The following RARB variants were observed in gnomAD, a reference collection of about 807,000 sequenced individuals.
RARB encodes the protein HBV-activated protein.
Under a neutral mutation model 51.9 loss-of-function variants are expected in RARB, and 17 were observed. That is an observed-to-expected ratio of 0.33 (90% CI 0.22 to 0.49). RARB has a LOEUF of 0.49. Ranked by LOEUF, RARB falls within the 20% of genes least tolerant of loss-of-function variation. The probability of loss-of-function intolerance (pLI) is 0.99; values close to 1 mark genes in which losing one functional copy is unlikely to be tolerated. For missense variants in RARB, 369 were observed against 550.8 expected (o/e 0.67, Z 3.30); for synonymous variants, 215 against 195.4 (o/e 1.10, Z -0.84).
In RARB at chr3:24,984,723, T is replaced by G. The variant is rs116346300; in HGVS notation, c.-379-75402T>G. 1.0e-3 allele frequency among the ~76,000 whole-genome samples: 158 copies of G among 151,544 alleles called. 2 individuals are homozygous for G. The highest frequency in any genetic ancestry group is 2.0e-3 in the Non-Finnish European group (139 of 67,954). On this transcript the variant is annotated intron_variant, in intron 2 of 11. Transcript: ENST00000383772. ...TAATACTGTATATTATACTAGAAAT[T>G]TACTAAAAGTATTTTAGATGTTATA...
chr3:25,069,573 C>T (rs1698728625), intron 3 of RARB, among the ~76,000 whole-genome samples: 1 of 152,154 alleles, frequency 6.6e-6, no homozygotes, highest in African/African-American at 2.4e-5. Flanking sequence ...CTCAAAAATT[C>T]CTCATCTCAC....
intron 5 of RARB, among the ~76,000 whole-genome samples, chr3:25,286,775 G>A (rs138129991): frequency 1.3e-5 from 2 of 152,258 alleles, no homozygotes; most frequent in African/African-American, 2.4e-5. Flanking sequence ...ACAACCTTGC[G>A]AGGTTGGTAT....
intron 3 of RARB, among the ~76,000 whole-genome samples, chr3:25,109,503 A>G (rs1385334976): frequency 6.6e-6 from 1 of 152,196 alleles, no homozygotes; most frequent in Non-Finnish European, 1.5e-5. Flanking sequence ...GTTTTTTTAA[A>G]CAGTCTCCTG....
intron 2 of RARB, among the ~76,000 whole-genome samples, chr3:25,058,221 T>C (rs1443600759): frequency 6.6e-6 from 1 of 151,916 alleles, no homozygotes; most frequent in Non-Finnish European, 1.5e-5. Context: ...GTAAAGAAGG[T>C]TAACTTTCCC....
At chr3:25,197,161 G>A (rs1268409281) in intron 5 of RARB, among the ~76,000 whole-genome samples, 1 of 152,088 alleles carries the variant, frequency 6.6e-6, no homozygotes, top group East Asian at 1.9e-4. Flanking sequence ...GTCCTGAATG[G>A]TATTGCCTAG....
chr3:25,183,824 C>A (rs1202858416), intron 5 of RARB, among the ~76,000 whole-genome samples: 1 of 152,126 alleles, frequency 6.6e-6, no homozygotes, highest in Admixed American at 6.5e-5. Flanking sequence ...CCTGCAATAA[C>A]ACTTATTGTC....
intron 2 of RARB, among the ~76,000 whole-genome samples, chr3:24,965,301 G>A (rs1696232129): frequency 6.6e-6 from 1 of 152,070 alleles, no homozygotes; most frequent in Non-Finnish European, 1.5e-5. Flanking sequence ...GGAATAGAGT[G>A]GTCATGCCAC....
In RARB at chr3:25,259,848, T is replaced by G. The variant is rs992645644; in HGVS notation, c.178+85273T>G. 1.6e-5 allele frequency: 15 copies of G among 939,876 alleles called. No homozygotes were observed. In the African/African-American group the frequency reaches 2.7e-4, roughly 17 times the overall value. 58.2% of individuals were successfully genotyped at this position (939,876 alleles called of 1,614,324 possible). On this transcript the variant is annotated intron_variant, in intron 5 of 11. Transcript: ENST00000383772. ...AGTCAGAGCTCTTGGTATCTGTCATTGCTTCCCAAATAAGTCAAGAGATTT... is the reference window on the plus strand; with the variant it reads ...AGTCAGAGCTCTTGGTATCTGTCATGGCTTCCCAAATAAGTCAAGAGATTT...
chr3:25,495,219 A>C (rs1696964221), intron 2 of RARB, among the ~76,000 whole-genome samples: 1 of 152,210 alleles, frequency 6.6e-6, no homozygotes, highest in Non-Finnish European at 1.5e-5. Flanking sequence ...AAGAAAAAAA[A>C]TCTAAAGCAA....
intron 2 of RARB, among the ~76,000 whole-genome samples, chr3:25,049,684 A>C (rs1698287996): frequency 6.6e-6 from 1 of 152,240 alleles, no homozygotes; most frequent in African/African-American, 2.4e-5. Flanking sequence ...TGAAAAAATA[A>C]AATTAAAAAA....
chr3:25,529,124 A>C (rs532752761), intron 3 of RARB, among the ~76,000 whole-genome samples: 13 of 152,190 alleles, frequency 8.5e-5, no homozygotes, highest in Non-Finnish European at 1.8e-4. Context: ...AGTGGATACA[A>C]CAGTTTTGAA....
chr3:25,594,432 A>G (rs1701733814), intron 6 of RARB, 88 bp from the exon 7 acceptor site: 1 of 1,335,362 alleles, frequency 7.5e-7, no homozygotes, highest in Non-Finnish European at 1.0e-6. Context: ...AAATTAATGA[A>G]CTCATAACAG....
At chr3:25,296,393 C>G (rs1371615910) in intron 5 of RARB, among the ~76,000 whole-genome samples, 1 of 152,120 alleles carries the variant, frequency 6.6e-6, no homozygotes. Context: ...GAAGTAACTT[C>G]ACTATTTCCT....
chr3:24,900,729 C>G (rs895439994), intron 2 of RARB, among the ~76,000 whole-genome samples: 4 of 152,142 alleles, frequency 2.6e-5, no homozygotes, highest in Non-Finnish European at 4.4e-5. Context: ...TTAGGCACAA[C>G]TTTACTTCTT....
At chr3:25,422,547 A>C (rs1707888954) in intron 5 of RARB, among the ~76,000 whole-genome samples, 1 of 152,180 alleles carries the variant, frequency 6.6e-6, no homozygotes, top group Non-Finnish European at 1.5e-5. Context: ...AGGGTTTAAT[A>C]GTGGAAGAAC....
At position 24,883,550 on chromosome 3, in the gene RARB, GC is replaced by G. The variant is rs1161534132; in HGVS notation, c.-380+24799del. Among the ~76,000 whole-genome samples, 11 of 152,182 alleles carry G rather than the reference GC, an allele frequency of 7.2e-5. No individual in the cohort carries two copies. The East Asian group carries it at 2.1e-3, about 29-fold the overall frequency. On this transcript the variant is annotated intron_variant, in intron 2 of 11. Coordinates refer to the RARB transcript ENST00000383772. The stretch of plus-strand genomic sequence containing the variant: ...TAATTATAAATACATTAGACTTGGT[GC>G]AAAAAATCATCAAACCATCAGTCTT...
chr3:24,942,890 T>C (rs1317962031), intron 2 of RARB, among the ~76,000 whole-genome samples: 2 of 152,212 alleles, frequency 1.3e-5, no homozygotes, highest in Non-Finnish European at 2.9e-5. Flanking sequence ...AGCTATTTTT[T>C]AATCTTCCTG....
chr3:25,200,193 C>G (rs540271864), intron 5 of RARB, among the ~76,000 whole-genome samples: 3 of 152,196 alleles, frequency 2.0e-5, no homozygotes, highest in East Asian at 3.9e-4. Flanking sequence ...TCTCTGATGG[C>G]CAGTGATGAT....
At chr3:25,552,989 G>A (rs145402900) in intron 3 of RARB, among the ~76,000 whole-genome samples, 210 of 152,256 alleles carry the variant, frequency 1.4e-3, no homozygotes, top group African/African-American at 5.0e-3. Context: ...TTTAAGGTAT[G>A]ATTTTGTGTT....
Sources: gnomAD v4.1 joint callset for allele counts (sites outside exome capture counted in the v4.1 genomes callset) on GRCh38, gnomAD v4.1.1 for gene constraint, MANE v1.5 for transcripts, NCBI Gene and HGNC (gene_info 2026-07-23, HGNC 2026-07-21) for gene names.